ZSCAN10: variants seen among roughly 807,000 people sequenced by gnomAD.
The protein encoded by ZSCAN10 is zinc finger and SCAN domain containing 10.
In ZSCAN10, 52 loss-of-function variants were observed where a neutral mutation model predicts 63.7. The ratio of observed to expected loss-of-function variants is 0.82; its 90% CI spans 0.65 to 1.03. The LOEUF is 1.03. ZSCAN10 is among the 50% of genes least tolerant of loss of function. The pLI is 0.00. For missense variants in ZSCAN10, 1,223 were observed against 1,103.8 expected (o/e 1.11, Z -1.53); for synonymous variants, 544 against 479.6 (o/e 1.13, Z -1.76).
At chr16:3,094,437 G>A (rs967277700) in intron 1 of ZSCAN10, among the ~76,000 whole-genome samples, 6 of 152,170 alleles carry the variant, frequency 3.9e-5, no homozygotes, top group East Asian at 1.9e-4. Flanking sequence ...CCTCCGCCTC[G>A]CGGGTTCCGG....
At chr16:3,097,882 A>G (rs961500964) in intron 1 of ZSCAN10, among the ~76,000 whole-genome samples, 2 of 152,016 alleles carry the variant, frequency 1.3e-5, no homozygotes, top group Non-Finnish European at 2.9e-5. Context: ...ATGATCAGAA[A>G]AATGGTGTTG....
chr16:3,089,119 C>A lies in ZSCAN10; in HGVS notation c.2315G>T (p.Arg772Leu), dbSNP rs1957024528. Residue 772 changes from arginine to leucine, a missense_variant, in exon 6 of 6, where the codon CGC becomes CTC. Arg to Leu is a moderately radical substitution (Grantham distance 102). Coordinates refer to ENST00000576985, the MANE Select transcript of ZSCAN10 (RefSeq NM_032805.3). ...SRNSHLLRHL[R>L]THARETLY is the part of the protein sequence containing the mutation. ...GTACAGCGTCTCGCGGGCGTGGGTG[C>A]GCAGGTGGCGCAGCAGGTGGGAGTT... 2 of 1,516,788 alleles carry A rather than the reference C, an allele frequency of 1.3e-6. No individual in the cohort carries two copies. Among genetic ancestry groups the A allele is most frequent in the Non-Finnish European group, 8.7e-7 (1 of 1,143,664 alleles). The allele number at this position is 1,516,788 out of a possible 1,614,324, so 94.0% of individuals were successfully genotyped here.
chr16:3,089,760 G>A lies in ZSCAN10; in HGVS notation c.1674C>T (p.Ser558=), dbSNP rs908935996. The A allele has an allele frequency of 6.9e-6, 11 of 1,598,914 alleles. No homozygotes were observed. The African/African-American group carries it at 1.3e-4, about 19-fold the overall frequency. The change falls in exon 6 of 6, where the codon AGC becomes AGT. Residue 558 remains serine, a synonymous_variant. Coordinates refer to ENST00000576985, the MANE Select transcript of ZSCAN10 (RefSeq NM_032805.3). Reference sequence around the variant, plus strand: ...TGACCAGCTGCGAGCTCTGCGTGAAGCTGCGGCCGCAAGCCTGGCAGGAGA... The same window carrying A: ...TGACCAGCTGCGAGCTCTGCGTGAAACTGCGGCCGCAAGCCTGGCAGGAGA... ...RPFSCQACGR[S]FTQSSQLVSH...
chr16:3,097,115 C>T (rs2151219080), intron 1 of ZSCAN10, among the ~76,000 whole-genome samples: 1 of 150,938 alleles, frequency 6.6e-6, no homozygotes, highest in South Asian at 2.1e-4. Flanking sequence ...AAAAAAGTAA[C>T]TCAGCCTTGG....
At position 3,090,226 on chromosome 16, in the gene ZSCAN10, G is replaced by A. The variant is rs1957051999; in HGVS notation, c.1208C>T (p.Pro403Leu). The A allele has an allele frequency of 6.2e-7, 1 of 1,606,804 alleles. No homozygotes were observed. ...GTGGCCGCACAGGTGGCAGGCGTGCGGCCGCTCGTCCGTGTGAGTGCGCAT... is the reference window on the plus strand; with the variant it reads ...GTGGCCGCACAGGTGGCAGGCGTGCAGCCGCTCGTCCGTGTGAGTGCGCAT... ...LHMRTHTDER[P>L]HACHLCGHRF... The change falls in exon 6 of 6, where the codon CCG (proline) becomes CTG (leucine). Residue 403 changes from proline to leucine, a missense_variant. Physicochemically the swap from Pro to Leu is moderately conservative, Grantham distance 98 (BLOSUM62 -3). Coordinates refer to ENST00000576985, the MANE Select transcript of ZSCAN10 (RefSeq NM_032805.3).
chr16:3,091,921 C>A, intron 3 of ZSCAN10, 93 bp from the exon 4 acceptor site: 1 of 1,596,514 alleles, frequency 6.3e-7, no homozygotes, highest in South Asian at 1.1e-5. Context: ...TCATCCGGGC[C>A]CTGTGAAGAC....
At position 3,089,118 on chromosome 16, in the gene ZSCAN10, G is replaced by A. The variant is rs1040080986; in HGVS notation, c.2316C>T (p.Arg772=). Residue 772 remains arginine, a synonymous_variant, in exon 6 of 6, where the codon CGC becomes CGT. Transcript: ENST00000576985. ...AGTACAGCGTCTCGCGGGCGTGGGT[G>A]CGCAGGTGGCGCAGCAGGTGGGAGT... is the stretch of plus-strand genomic sequence containing the variant. The part of the protein sequence containing the change: ...SRNSHLLRHL[R]THARETLY The A allele has an allele frequency of 2.0e-6, 3 of 1,517,168 alleles. No individual in the cohort carries two copies. The highest frequency in any genetic ancestry group is 2.8e-5 in the African/African-American group (2 of 71,318). The allele number at this position is 1,517,168 out of a possible 1,614,324, so 94.0% of individuals were successfully genotyped here.
At position 3,090,299 on chromosome 16, in the gene ZSCAN10, G is replaced by C; in HGVS notation, c.1135C>G (p.Leu379Val). The part of the protein sequence containing the change: ...SHPAGRSFLC[L>V]CCGKSFGRSS... ...CGGCCGAAGCTCTTCCCGCAGCAAAGGCACAGGAAGGAGCGCCCAGCCGGG... is the reference window on the plus strand; with the variant it reads ...CGGCCGAAGCTCTTCCCGCAGCAAACGCACAGGAAGGAGCGCCCAGCCGGG... Residue 379 changes from leucine (L) to valine (V), a missense_variant, in exon 6 of 6, where the codon CTT (leucine) becomes GTT (valine). Leu to Val is a conservative substitution (Grantham distance 32). Transcript: ENST00000576985. The C allele has an allele frequency of 2.5e-6, 4 of 1,609,520 alleles. No homozygotes were observed. The highest frequency in any genetic ancestry group is 3.4e-6 in the Non-Finnish European group (4 of 1,178,858).
chr16:3,091,702 A>G, intron 4 of ZSCAN10, 62 bp downstream of exon 4: 1 of 1,604,020 alleles, frequency 6.2e-7, no homozygotes, highest in Non-Finnish European at 8.5e-7. Context: ...TGGATTTGCT[A>G]AAACTACAGG....
chr16:3,097,722 G>C (rs1296118840), intron 1 of ZSCAN10, among the ~76,000 whole-genome samples: 1 of 152,170 alleles, frequency 6.6e-6, no homozygotes, highest in African/African-American at 2.4e-5. Context: ...CCTGGCCTGG[G>C]AGTAGGAGCT....
At chr16:3,090,890 C>CAAAAAA (rs398058044) in intron 5 of ZSCAN10, among the ~76,000 whole-genome samples, 2 of 63,722 alleles carry the variant, frequency 3.1e-5, no homozygotes, top group African/African-American at 1.1e-4. Flanking sequence ...CCCGTCTCTA[C>CAAAAAA]AAAAAAAAAA....
chr16:3,098,042 C>CA (rs371407228), intron 1 of ZSCAN10, among the ~76,000 whole-genome samples: 10,269 of 43,880 alleles, frequency 0.23, 922 homozygotes, highest in African/African-American at 0.29. Context: ...GACCCTGTCT[C>CA]AAAAAAAAAA....
In ZSCAN10 at chr16:3,089,913, G is replaced by A. The variant is rs1174851820; in HGVS notation, c.1521C>T (p.Ser507=). The A allele has an allele frequency of 9.1e-6, 14 of 1,536,368 alleles. No individual in the cohort carries two copies. The highest frequency in any genetic ancestry group is 1.2e-5 in the Non-Finnish European group (14 of 1,145,700). ...IHARDKDRRS[S]EGSGSRRRDS... Reference sequence around the variant, plus strand: ...CCCGGCGGCGGCTGCCGGAGCCTTCGGAGGACCGGCGGTCCTTGTCCCTGG... The same window carrying A: ...CCCGGCGGCGGCTGCCGGAGCCTTCAGAGGACCGGCGGTCCTTGTCCCTGG... Residue 507 remains serine, a synonymous_variant, in exon 6 of 6, where the codon TCC becomes TCT. Transcript: ENST00000576985.
At position 3,092,118 on chromosome 16, in the gene ZSCAN10, G is replaced by A. The variant is rs1287982306; in HGVS notation, c.595C>T (p.Leu199Phe). The A allele has an allele frequency of 6.2e-7, 1 of 1,609,876 alleles. No homozygotes were observed. Among genetic ancestry groups the A allele is most frequent in the Admixed American group, 1.7e-5 (1 of 59,378 alleles). The stretch of plus-strand genomic sequence containing the variant: ...AGCGGCTGCTTTGAACTTGGGGGAA[G>A]CCTCCACTGTCCCGGCTCAGCAGGC... ...AQPAEPGQWR[L>F]PPSSKQPLSP... The change falls in exon 3 of 6, where the codon CTT becomes TTT. Residue 199 changes from leucine (L) to phenylalanine (F), a missense_variant. Leu to Phe is a conservative substitution (Grantham distance 22). Coordinates refer to ENST00000576985, the MANE Select transcript of ZSCAN10 (RefSeq NM_032805.3).
At chr16:3,096,878 G>A (rs1054021030) in intron 1 of ZSCAN10, among the ~76,000 whole-genome samples, 1 of 150,360 alleles carries the variant, frequency 6.7e-6, no homozygotes, top group Non-Finnish European at 1.5e-5. Context: ...GCAGTGAGAC[G>A]AGATCGTGCC....
chr16:3,094,475 AG>A, intron 1 of ZSCAN10, among the ~76,000 whole-genome samples: 1 of 152,282 alleles, frequency 6.6e-6, no homozygotes, highest in Middle Eastern at 3.4e-3. Context: ...CTTCGTGAGT[AG>A]CTGGGATTAC....
At position 3,090,282 on chromosome 16, in the gene ZSCAN10, G is replaced by T; in HGVS notation, c.1152C>A (p.Ser384Arg). ...RSFLCLCCGK[S>R]FGRSSILKLH... ...GCTTGAGAATGGAGCTGCGGCCGAA[G>T]CTCTTCCCGCAGCAAAGGCACAGGA... Residue 384 changes from serine to arginine, a missense_variant, in exon 6 of 6, where the codon AGC becomes AGA. By Grantham distance (110) the Ser-to-Arg change is moderately radical (BLOSUM62 -1). Coordinates refer to ENST00000576985, the MANE Select transcript of ZSCAN10 (RefSeq NM_032805.3). 1 of 1,609,256 alleles carries T rather than the reference G, an allele frequency of 6.2e-7. No homozygotes were observed. Among genetic ancestry groups the T allele is most frequent in the East Asian group, 2.2e-5 (1 of 44,856 alleles).
intron 5 of ZSCAN10, 75 bp from the exon 6 acceptor site, chr16:3,090,721 C>A: frequency 6.9e-7 from 1 of 1,449,452 alleles, no homozygotes; most frequent in Non-Finnish European, 9.1e-7. Context: ...CCTGATTGGC[C>A]TGGAAGTGGA....
chr16:3,090,213 G>A lies in ZSCAN10; in HGVS notation c.1221C>T (p.His407=), dbSNP rs771403484. The A allele has an allele frequency of 6.2e-7, 1 of 1,605,988 alleles. No homozygotes were observed. ...THTDERPHAC[H]LCGHRFRQSS... Reference sequence around the variant, plus strand: ...TCTGGCGGAAGCGGTGGCCGCACAGGTGGCAGGCGTGCGGCCGCTCGTCCG... The same window carrying A: ...TCTGGCGGAAGCGGTGGCCGCACAGATGGCAGGCGTGCGGCCGCTCGTCCG... The change falls in exon 6 of 6, where the codon CAC becomes CAT. Residue 407 remains histidine, a synonymous_variant. Coordinates refer to ENST00000576985, the MANE Select transcript of ZSCAN10 (RefSeq NM_032805.3).
Sources: gnomAD v4.1 joint callset for allele counts (sites outside exome capture counted in the v4.1 genomes callset) on GRCh38, gnomAD v4.1.1 for gene constraint, MANE v1.5 for transcripts, NCBI Gene and HGNC (gene_info 2026-07-23, HGNC 2026-07-21) for gene names.